The following CTSE variants were observed in gnomAD, a reference collection of about 807,000 sequenced individuals.
CTSE encodes the protein erythrocyte membrane aspartic proteinase.
A neutral mutation model predicts 42.8 loss-of-function variants in CTSE; 43 were observed. The ratio of observed to expected loss-of-function variants is 1.01; its 90% CI spans 0.79 to 1.30. The LOEUF (loss-of-function observed/expected upper bound fraction) is 1.30, where lower values mean the gene tolerates loss of function less well. CTSE is among the 50% of genes most tolerant of loss of function. CTSE has a pLI of 0.00. For missense variants in CTSE, 532 were observed against 493.5 expected (o/e 1.08, Z -0.74); for synonymous variants, 205 against 191.5 (o/e 1.07, Z -0.58).
intron 4 of CTSE, among the ~76,000 whole-genome samples, chr1:206,019,992 CAT>C (rs1427894505): frequency 3.5e-5 from 5 of 141,782 alleles, no homozygotes; most frequent in African/African-American, 1.0e-4. Flanking sequence ...TATTATATAA[CAT>C]ATATTAATGT....
chr1:206,010,381 C>T (rs781797247), intron 8 of CTSE, 34 bp from the exon 9 acceptor site: 132 of 1,587,196 alleles, frequency 8.3e-5, no homozygotes, highest in Middle Eastern at 2.0e-4. Context: ...AAATGACAAA[C>T]GGGGGAAGAA....
intron 4 of CTSE, among the ~76,000 whole-genome samples, chr1:206,019,870 CAT>C (rs1661364814): frequency 8.4e-6 from 1 of 119,372 alleles, no homozygotes; most frequent in South Asian, 2.7e-4. Context: ...AATAGATTAA[CAT>C]AATATATTAT....
intron 5 of CTSE, among the ~76,000 whole-genome samples, chr1:206,014,831 C>G (rs1661218313): frequency 6.6e-6 from 1 of 152,000 alleles, no homozygotes; most frequent in South Asian, 2.1e-4. Flanking sequence ...CAACTTGCCT[C>G]TCTTACTCAC....
chr1:206,010,243 C>A lies in CTSE; in HGVS notation c.1131G>T (p.Gln377His), dbSNP rs1661050588. 1.9e-6 allele frequency: 3 copies of A among 1,613,824 alleles called. No homozygotes were observed. The highest frequency in any genetic ancestry group is 2.5e-6 in the Non-Finnish European group (3 of 1,179,820). The part of the protein sequence containing the change: ...LWILGDVFIR[Q>H]FYSVFDRGNN... ...TCCCACGGTCAAAGACTGAGTAAAA[C>A]TGTCGAATGAAGACATCCCCCAGGA... The change falls in exon 9 of 9, where the codon CAG becomes CAT. Residue 377 changes from glutamine (Q) to histidine (H), a missense_variant. Coordinates refer to ENST00000358184, the MANE Select transcript of CTSE (RefSeq NM_001910.4).
At chr1:206,013,333 T>C (rs1661170366) in intron 6 of CTSE, among the ~76,000 whole-genome samples, 1 of 152,096 alleles carries the variant, frequency 6.6e-6, no homozygotes, top group African/African-American at 2.4e-5. Flanking sequence ...GCCTGTCTGC[T>C]GGACCACATT....
At chr1:206,022,302 G>A in intron 2 of CTSE, 35 bp from the exon 3 acceptor site, 6 of 1,494,748 alleles carry the variant, frequency 4.0e-6, no homozygotes, top group Non-Finnish European at 5.5e-6. Flanking sequence ...GAGGGTGTGG[G>A]TGGTGGGGAG....
intron 8 of CTSE, among the ~76,000 whole-genome samples, chr1:206,010,772 T>G (rs1461002907): frequency 6.6e-6 from 1 of 152,118 alleles, no homozygotes; most frequent in Non-Finnish European, 1.5e-5. Flanking sequence ...GAGAAAGAAC[T>G]GTGTTAGTGG....
rs372198598 is a variant in CTSE, at chr1:206,010,212, G to A, written c.1162C>T (p.Arg388Cys). 1.2e-5 allele frequency: 19 copies of A among 1,613,646 alleles called. No individual in the cohort carries two copies. Among genetic ancestry groups the A allele is most frequent in the African/African-American group, 6.7e-5 (5 of 74,886 alleles). The stretch of plus-strand genomic sequence containing the variant: ...GGGACTGCTGGGGCCAGTCCCACAC[G>A]GTTATTCCCACGGTCAAAGACTGAG... ...FYSVFDRGNN[R>C]VGLAPAVP Residue 388 changes from arginine (R) to cysteine (C), a missense_variant, in exon 9 of 9, where the codon CGT (arginine) becomes TGT (cysteine). Coordinates refer to ENST00000358184, the MANE Select transcript of CTSE (RefSeq NM_001910.4).
Position 206,022,173 on chromosome 1 carries a change from A to G in CTSE, c.320T>C (p.Val107Ala), listed in dbSNP as rs551559868. 2 of 1,611,030 alleles carry G rather than the reference A, an allele frequency of 1.2e-6. No homozygotes were observed. Among genetic ancestry groups the G allele is most frequent in the Non-Finnish European group, 1.7e-6 (2 of 1,177,778 alleles). Residue 107 changes from valine to alanine, a missense_variant, in exon 3 of 9, where the codon GTG becomes GCG. Physicochemically the swap from Val to Ala is moderately conservative, Grantham distance 64. Transcript: ENST00000358184. ...TGSSNLWVPS[V>A]YCTSPACKTH... ...ACTGCAGGCTGGGCTAGTGCAGTAC[A>G]CAGAGGGGACCCAGAGGTTGGAGGA...
chr1:206,009,348 C>T lies in CTSE; in HGVS notation c.*835G>A, dbSNP rs1553276552. The T allele has an allele frequency of 6.6e-6, 1 of 152,054 alleles. No individual in the cohort carries two copies. Among genetic ancestry groups the T allele is most frequent in the Admixed American group, 6.5e-5 (1 of 15,268 alleles). 9.4% of individuals were successfully genotyped at this position (152,054 alleles called of 1,614,324 possible). On this transcript the variant is annotated 3_prime_UTR_variant, in exon 9 of 9. Coordinates refer to ENST00000358184, the MANE Select transcript of CTSE (RefSeq NM_001910.4). Reference sequence around the variant, plus strand: ...TCTTAACATTACCAATAGAGAGGCACCAGCATTATCTGCCTCCTGACAGGA... The same window carrying T: ...TCTTAACATTACCAATAGAGAGGCATCAGCATTATCTGCCTCCTGACAGGA...
intron 6 of CTSE, 95 bp from the exon 7 acceptor site, chr1:206,012,744 C>A: frequency 7.4e-7 from 1 of 1,353,734 alleles, no homozygotes; most frequent in Non-Finnish European, 1.0e-6. Flanking sequence ...TGGAGCACAT[C>A]AATGATTTCC....
Position 206,013,883 on chromosome 1 carries a change from C to T in CTSE, c.674G>A (p.Gly225Asp), listed in dbSNP as rs782714992. 1 of 1,613,758 alleles carries T rather than the reference C, an allele frequency of 6.2e-7. No homozygotes were observed. The highest frequency in any genetic ancestry group is 8.5e-7 in the Non-Finnish European group (1 of 1,179,852). The change falls in exon 6 of 9, where the codon GGT (glycine) becomes GAT (aspartate). Residue 225 changes from glycine to aspartate, a missense_variant. Physicochemically the swap from Gly to Asp is moderately conservative, Grantham distance 94 (BLOSUM62 -1). Transcript: ENST00000358184. ...FSVYMSSNPE[G>D]GAGSELIFGG... ...AAAAATCAGCTCGCTCCCCGCACCA[C>T]CTTCTGGGTTACTACATGGAGAGAA... is the stretch of plus-strand genomic sequence containing the variant.
rs1553276610 is a variant in CTSE, at chr1:206,009,634, T to C, written c.*549A>G. The C allele has an allele frequency of 6.5e-6, 1 of 154,560 alleles. No individual in the cohort carries two copies. The highest frequency in any genetic ancestry group is 2.0e-4 in the South Asian group (1 of 4,962). 9.6% of individuals were successfully genotyped at this position (154,560 alleles called of 1,614,324 possible). A position where few individuals can be genotyped will look rare whatever the true frequency, so the allele number is the denominator to read the frequency against. On this transcript the variant is annotated 3_prime_UTR_variant, in exon 9 of 9. Coordinates refer to ENST00000358184, the MANE Select transcript of CTSE (RefSeq NM_001910.4). ...AACTACAAAAACAGCCAAACATTTG[T>C]GGGACAATGGGAGATGCTTGAATTC...
Position 206,010,047 on chromosome 1 carries a change from T to A in CTSE, c.*136A>T. On this transcript the variant is annotated 3_prime_UTR_variant, in exon 9 of 9. Transcript: ENST00000358184. ...TGTGTGTGTGTATTCTCATGTTCTG[T>A]TTGGTCTTAATTCAAGTTGCAACCC... 1.1e-6 allele frequency: 1 copy of A among 915,330 alleles called. No homozygotes were observed. Among genetic ancestry groups the A allele is most frequent in the Non-Finnish European group, 1.7e-6 (1 of 577,584 alleles). The allele number at this position is 915,330 out of a possible 1,614,324, so 56.7% of individuals were successfully genotyped here. A position where few individuals can be genotyped will look rare whatever the true frequency, so the allele number is the denominator to read the frequency against.
At position 206,023,855 on chromosome 1, in the gene CTSE, A is replaced by C. The variant is rs1661527779; in HGVS notation, c.-64T>G. On this transcript the variant is annotated 5_prime_UTR_variant, in exon 1 of 9. Coordinates refer to ENST00000358184, the MANE Select transcript of CTSE (RefSeq NM_001910.4). ...TTCTTCTCTCCCCGAGGGCAGTGGG[A>C]ACGGACTTTCCCTAACTCTCAGACC... 1 of 1,550,968 alleles carries C rather than the reference A, an allele frequency of 6.4e-7. No individual in the cohort carries two copies. Among genetic ancestry groups the C allele is most frequent in the Non-Finnish European group, 8.9e-7 (1 of 1,125,910 alleles).
chr1:206,022,976 A>G lies in CTSE; in HGVS notation c.150T>C (p.Asn50=), dbSNP rs782218524. Residue 50 remains asparagine (N), a synonymous_variant, in exon 2 of 9, where the codon AAT becomes AAC. Coordinates refer to ENST00000358184, the MANE Select transcript of CTSE (RefSeq NM_001910.4). ...SQLSEFWKSH[N]LDMIQFTESC... ...ACTCGGTGAACTGGATCATGTCCAA[A>G]TTATGGGATTTCCAGAACTCAGAGA... The G allele has an allele frequency of 1.9e-6, 3 of 1,612,334 alleles. No individual in the cohort carries two copies. In the Admixed American group the frequency reaches 5.0e-5, roughly 27 times the overall value.
At chr1:206,013,294 C>A (rs782378792) in intron 6 of CTSE, among the ~76,000 whole-genome samples, 1 of 152,034 alleles carries the variant, frequency 6.6e-6, no homozygotes, top group South Asian at 2.1e-4. Context: ...CTCCATGATG[C>A]ACTGGAGCAT....
intron 1 of CTSE, 88 bp from the exon 2 acceptor site, chr1:206,023,145 G>A (rs541711299): frequency 2.0e-6 from 1 of 497,184 alleles, no homozygotes; most frequent in Non-Finnish European, 3.9e-6. Flanking sequence ...GGGCCAACTA[G>A]AGAAGATGGG....
chr1:206,010,303 T>G lies in CTSE; in HGVS notation c.1071A>C (p.Gly357=). Residue 357 remains glycine (G), a synonymous_variant, in exon 9 of 9, where the codon GGA becomes GGC. Coordinates refer to ENST00000358184, the MANE Select transcript of CTSE (RefSeq NM_001910.4). The part of the protein sequence containing the change: ...GMQFCSSGFQ[G]LDIHPPAGPL... ...GCCCAGCTGGAGGGTGGATGTCAAG[T>G]CCTTGAAAGCCACTGCTGCAGAACT... 6.2e-7 allele frequency: 1 copy of G among 1,613,744 alleles called. No homozygotes were observed. Among genetic ancestry groups the G allele is most frequent in the Non-Finnish European group, 8.5e-7 (1 of 1,179,812 alleles).
Sources: gnomAD v4.1 joint callset for allele counts (sites outside exome capture counted in the v4.1 genomes callset) on GRCh38, gnomAD v4.1.1 for gene constraint, MANE v1.5 for transcripts, NCBI Gene and HGNC (gene_info 2026-07-23, HGNC 2026-07-21) for gene names.